Variants in TMTC2 observed in about 807,000 individuals in gnomAD.
TMTC2 encodes protein O-mannosyl-transferase TMTC2.
In TMTC2, 43 loss-of-function variants were observed where a neutral mutation model predicts 82.4. That is an observed-to-expected ratio of 0.52 (90% CI 0.41 to 0.67). The LOEUF is 0.67. Among genes scored for constraint, TMTC2 ranks in the 30% least tolerant of loss-of-function variants. The probability of loss-of-function intolerance (pLI) is 0.00; values close to 1 mark genes in which losing one functional copy is unlikely to be tolerated. For missense variants in TMTC2, 919 were observed against 1,012.4 expected, an observed-to-expected ratio of 0.91 and a Z score of 1.25; for synonymous variants, 408 against 381.9, an observed-to-expected ratio of 1.07 and a Z score of -0.80.
intron 9 of TMTC2, among the ~76,000 whole-genome samples, chr12:83,045,191 T>C (rs1882042156): frequency 6.6e-6 from 1 of 152,230 alleles, no homozygotes; most frequent in African/African-American, 2.4e-5. Flanking sequence ...GCTCTTTGTC[T>C]CTGGATCTCT....
At chr12:83,126,530 G>A (rs1206632783) in intron 11 of TMTC2, among the ~76,000 whole-genome samples, 1 of 152,000 alleles carries the variant, frequency 6.6e-6, no homozygotes, top group East Asian at 1.9e-4. Context: ...ATTTCTGTCA[G>A]AATTATTTAA....
intron 1 of TMTC2, among the ~76,000 whole-genome samples, chr12:82,737,310 A>G (rs1389236165): frequency 6.6e-6 from 1 of 152,194 alleles, no homozygotes; most frequent in Non-Finnish European, 1.5e-5. Flanking sequence ...TAAACAGTCT[A>G]ACACTTTTTT....
chr12:82,906,494 A>G (rs185830079), intron 3 of TMTC2, among the ~76,000 whole-genome samples: 7 of 151,990 alleles, frequency 4.6e-5, no homozygotes, highest in Admixed American at 4.6e-4. Flanking sequence ...GTGAAACCCC[A>G]TCTCTACTAA....
intron 3 of TMTC2, among the ~76,000 whole-genome samples, 197 bp downstream of exon 3, chr12:82,896,843 G>A (rs1469804771): frequency 6.6e-6 from 1 of 151,930 alleles, no homozygotes; most frequent in Non-Finnish European, 1.5e-5. Context: ...TCCTTACTTG[G>A]AATAAGAAAA....
chr12:83,049,070 CA>C (rs1882249407), intron 9 of TMTC2, among the ~76,000 whole-genome samples: 1 of 152,140 alleles, frequency 6.6e-6, no homozygotes, highest in African/African-American at 2.4e-5. Flanking sequence ...ATTAAATAAA[CA>C]GTAAATAATG....
At position 82,809,021 on chromosome 12, in the gene TMTC2, A is replaced by C. The variant is rs562839673; in HGVS notation, c.84-47989A>C. Among the ~76,000 whole-genome samples, 8 of 150,298 alleles carry C rather than the reference A, an allele frequency of 5.3e-5. No individual in the cohort carries two copies. The South Asian group carries it at 1.7e-3, about 31-fold the overall frequency. ...GTTTGATTTTTTTTTCTAGGAAAGA[A>C]GCTATCTTAATTGACTTTTTATTCT... On this transcript the variant is annotated intron_variant, in intron 1 of 11. Transcript: ENST00000321196.
chr12:82,722,398 CAAA>C (rs67785786), intron 1 of TMTC2, among the ~76,000 whole-genome samples: 3 of 102,590 alleles, frequency 2.9e-5, no homozygotes, highest in Admixed American at 1.2e-4. Flanking sequence ...ACTAAAAATA[CAAA>C]AAAAAAAAAA....
chr12:82,858,883 G>A (rs1871389797), intron 2 of TMTC2, among the ~76,000 whole-genome samples: 1 of 152,148 alleles, frequency 6.6e-6, no homozygotes, highest in Non-Finnish European at 1.5e-5. Context: ...GAGATTTAGA[G>A]AGAGTAATTG....
intron 2 of TMTC2, among the ~76,000 whole-genome samples, chr12:82,876,130 A>ATGGTGGTGGTGGTGGTGGCGGTGG (rs1872547894): frequency 9.0e-6 from 1 of 111,278 alleles, no homozygotes; most frequent in African/African-American, 3.5e-5. Context: ...GGTATTAGTA[A>ATGGTGGTGGTGGTGGTGGCGGTGG]TGGTGGTGGT....
At chr12:82,997,818 A>G (rs750833645) in intron 8 of TMTC2, among the ~76,000 whole-genome samples, 2 of 152,114 alleles carry the variant, frequency 1.3e-5, no homozygotes, top group Non-Finnish European at 2.9e-5. Context: ...GAGGAAAGAT[A>G]CATACTATAT....
At chr12:83,048,143 A>G (rs1430388833) in intron 9 of TMTC2, among the ~76,000 whole-genome samples, 2 of 152,236 alleles carry the variant, frequency 1.3e-5, no homozygotes, top group Non-Finnish European at 2.9e-5. Context: ...AGTAATTAAT[A>G]TTGTGTTTTA....
Position 82,819,538 on chromosome 12 carries a change from G to A in TMTC2, c.84-37472G>A, listed in dbSNP as rs1351891969. 6.4e-5 allele frequency among the ~76,000 whole-genome samples: 8 copies of A among 124,794 alleles called. No individual in the cohort carries two copies. In the East Asian group the frequency reaches 6.8e-4, roughly 11 times the overall value. 81.9% of individuals were successfully genotyped at this position (124,794 alleles called of 152,430 possible). A position where few individuals can be genotyped will look rare whatever the true frequency, so the allele number is the denominator to read the frequency against. On this transcript the variant is annotated intron_variant, in intron 1 of 11. Coordinates refer to ENST00000321196, the MANE Select transcript of TMTC2 (RefSeq NM_152588.3). ...TTTTTTGAGACGGAGTTTCGCTCTC[G>A]TTGCCCAGGCTGGAGTGCAATGGCA...
intron 11 of TMTC2, among the ~76,000 whole-genome samples, chr12:83,077,880 CTTTT>C (rs751044763): frequency 3.2e-5 from 3 of 92,956 alleles, no homozygotes; most frequent in African/African-American, 1.3e-4. Context: ...GACAATCTGT[CTTTT>C]TTTTTTTTTT....
At chr12:82,775,339 A>G (rs114207577) in intron 1 of TMTC2, among the ~76,000 whole-genome samples, 2,850 of 151,960 alleles carry the variant, frequency 0.019, 71 homozygotes, top group African/African-American at 0.065. Context: ...GGCCTCAGCT[A>G]TTCGGGAGGC....
rs1183203782 is a variant in TMTC2, at chr12:82,997,221, CTA to C, written c.2070+11188_2070+11189del. ...TCCCCCTCTCCCTCTCTCTCTCTCT[CTA>C]TATATATATATAGTTATGTATAGTT... On this transcript the variant is annotated intron_variant, in intron 8 of 11. Coordinates refer to ENST00000321196, the MANE Select transcript of TMTC2 (RefSeq NM_152588.3). Among the ~76,000 whole-genome samples the C allele has an allele frequency of 3.3e-3, 390 of 118,452 alleles. 5 individuals carry two copies. The highest frequency in any genetic ancestry group is 0.031 in the South Asian group (105 of 3,394). 77.7% of individuals were successfully genotyped at this position (118,452 alleles called of 152,430 possible). A position where few individuals can be genotyped will look rare whatever the true frequency, so the allele number is the denominator to read the frequency against.
chr12:82,888,983 A>G (rs1185199278), intron 2 of TMTC2, among the ~76,000 whole-genome samples: 1 of 152,184 alleles, frequency 6.6e-6, no homozygotes, highest in Non-Finnish European at 1.5e-5. Context: ...CAAATATAGA[A>G]AAGTGTAGGA....
intron 9 of TMTC2, among the ~76,000 whole-genome samples, chr12:83,041,201 T>G (rs1337330552): frequency 6.6e-6 from 1 of 152,200 alleles, no homozygotes; most frequent in East Asian, 1.9e-4. Context: ...TGTATAGGAC[T>G]CTAGAAGCCA....
At chr12:83,077,878 G>GTAT (rs1283680693) in intron 11 of TMTC2, among the ~76,000 whole-genome samples, 1 of 64,116 alleles carries the variant, frequency 1.6e-5, no homozygotes, top group Non-Finnish European at 2.8e-5. Flanking sequence ...CAGACAATCT[G>GTAT]TCTTTTTTTT....
At chr12:82,872,556 A>G (rs1872257509) in intron 2 of TMTC2, among the ~76,000 whole-genome samples, 1 of 152,162 alleles carries the variant, frequency 6.6e-6, no homozygotes, top group African/African-American at 2.4e-5. Context: ...TATTTCCCGC[A>G]TTGCTTTATA....
Sources: gnomAD v4.1 joint callset for allele counts (sites outside exome capture counted in the v4.1 genomes callset) on GRCh38, gnomAD v4.1.1 for gene constraint, MANE v1.5 for transcripts, NCBI Gene and HGNC (gene_info 2026-07-23, HGNC 2026-07-21) for gene names.